Variants in VAMP1 observed in about 807,000 individuals in gnomAD.
VAMP1 encodes the protein vesicle-associated membrane protein 1.
Under a neutral mutation model 19.1 loss-of-function variants are expected in VAMP1, and 16 were observed. That is an observed-to-expected ratio of 0.84 (90% CI 0.57 to 1.27). The LOEUF (loss-of-function observed/expected upper bound fraction) is 1.27. Ranked by LOEUF, VAMP1 falls within the 50% of genes most tolerant of loss-of-function variation. VAMP1 has a pLI of 0.00. For synonymous variants in VAMP1, 37 were observed against 50.2 expected, an observed-to-expected ratio of 0.74 and a Z score of 1.11; for missense variants, 109 against 145.4, an observed-to-expected ratio of 0.75 and a Z score of 1.29.
At chr12:6,468,046 A>G (rs1945673070) in intron 1 of VAMP1, among the ~76,000 whole-genome samples, 1 of 152,230 alleles carries the variant, frequency 6.6e-6, no homozygotes, top group Non-Finnish European at 1.5e-5. Context: ...CTAGTGTAGT[A>G]CAGAAGGGAC....
chr12:6,467,861 G>C (rs1307994809), intron 1 of VAMP1, among the ~76,000 whole-genome samples: 1 of 152,270 alleles, frequency 6.6e-6, no homozygotes, highest in East Asian at 1.9e-4. Flanking sequence ...CGTGGCTTCA[G>C]AGGGTGGAAG....
Position 6,470,664 on chromosome 12 carries a change from C to CAGTAAGTTCCAGCGCA in VAMP1, c.-134_-133insTGCGCTGGAACTTACT. 8.3e-7 allele frequency: 1 copy of CAGTAAGTTCCAGCGCA among 1,202,428 alleles called. No homozygotes were observed. The highest frequency in any genetic ancestry group is 1.2e-6 in the Non-Finnish European group (1 of 831,108). 74.5% of individuals were successfully genotyped at this position (1,202,428 alleles called of 1,614,324 possible). A position where few individuals can be genotyped will look rare whatever the true frequency, so the allele number is the denominator to read the frequency against. On this transcript the variant is annotated 5_prime_UTR_variant, in exon 1 of 5. Coordinates refer to ENST00000396308, the MANE Select transcript of VAMP1 (RefSeq NM_014231.5). ...CGCCGACTACCCCGCGGTCTAGCTG[C>CAGTAAGTTCCAGCGCA]GCTGGAACTTACTGCAGCTGCCGCG...
chr12:6,464,940 ATC>A lies in VAMP1; in HGVS notation c.289-1_289del. On this transcript the variant is annotated splice_acceptor_variant and coding_sequence_variant, in exon 4 of 5. Coordinates refer to ENST00000396308, the MANE Select transcript of VAMP1 (RefSeq NM_014231.5). LOFTEE classifies it high-confidence loss of function. ...ACAGATGGCTCCCAGCATGATCATC[ATC>A]TGAGGAAACATGGACAAAAAATGAG... 6.2e-7 allele frequency: 1 copy of A among 1,613,906 alleles called. No individual in the cohort carries two copies. Among genetic ancestry groups the A allele is most frequent in the Non-Finnish European group, 8.5e-7 (1 of 1,179,962 alleles).
chr12:6,464,098 C>G lies in VAMP1; in HGVS notation c.*372G>C, dbSNP rs1196347473. The G allele has an allele frequency of 7.6e-7, 1 of 1,314,448 alleles. No individual in the cohort carries two copies. Among genetic ancestry groups the G allele is most frequent in the South Asian group, 1.2e-5 (1 of 81,252 alleles). 81.4% of individuals were successfully genotyped at this position (1,314,448 alleles called of 1,614,324 possible). On this transcript the variant is annotated 3_prime_UTR_variant, in exon 5 of 5. Transcript: ENST00000396308. ...CAGGTTTTCTAGAAGTCACCATGGG[C>G]ACCGATACTCTTCTCCTCCCAAGTC...
chr12:6,465,341 A>T, intron 3 of VAMP1: 1 of 288,158 alleles, frequency 3.5e-6, no homozygotes, highest in South Asian at 2.5e-5. Context: ...AAGCTGATTT[A>T]AAAGAAAAAG....
Position 6,462,980 on chromosome 12 carries a change from A to T in VAMP1, c.*1490T>A. On this transcript the variant is annotated 3_prime_UTR_variant, in exon 5 of 5. Transcript: ENST00000396308. ...GGCCTCAGCCTCTTCCTGTTCGTGG[A>T]CCGAGGGAAGAAGGAATAAAGGGCC... The T allele has an allele frequency of 6.4e-7, 1 of 1,551,558 alleles. No homozygotes were observed. The highest frequency in any genetic ancestry group is 8.7e-7 in the Non-Finnish European group (1 of 1,147,214).
In VAMP1 at chr12:6,464,094, T is replaced by A. The variant is rs562091139; in HGVS notation, c.*376A>T. Reference sequence around the variant, plus strand: ...TGGCCAGGTTTTCTAGAAGTCACCATGGGCACCGATACTCTTCTCCTCCCA... The same window carrying A: ...TGGCCAGGTTTTCTAGAAGTCACCAAGGGCACCGATACTCTTCTCCTCCCA... On this transcript the variant is annotated 3_prime_UTR_variant, in exon 5 of 5. Coordinates refer to ENST00000396308, the MANE Select transcript of VAMP1 (RefSeq NM_014231.5). The A allele has an allele frequency of 4.6e-6, 6 of 1,310,962 alleles. No individual in the cohort carries two copies. The highest frequency in any genetic ancestry group is 2.3e-5 in the Admixed American group (1 of 44,072). 81.2% of individuals were successfully genotyped at this position (1,310,962 alleles called of 1,614,324 possible).
chr12:6,466,454 G>A, intron 1 of VAMP1, 103 bp from the exon 2 acceptor site: 2 of 1,346,658 alleles, frequency 1.5e-6, no homozygotes, highest in Non-Finnish European at 2.0e-6. Flanking sequence ...AGGCTGAAGT[G>A]GGAGGAGCGC....
In VAMP1 at chr12:6,470,645, C is replaced by CCG. The variant is rs1264071072; in HGVS notation, c.-115_-114insCG. On this transcript the variant is annotated 5_prime_UTR_variant, in exon 1 of 5. Coordinates refer to ENST00000396308, the MANE Select transcript of VAMP1 (RefSeq NM_014231.5). ...ACTGCCAAGCTCCGCCTCGCGCCGA[C>CCG]TACCCCGCGGTCTAGCTGCGCTGGA... 2.1e-6 allele frequency: 3 copies of CCG among 1,448,824 alleles called. No homozygotes were observed. The highest frequency in any genetic ancestry group is 1.9e-6 in the Non-Finnish European group (2 of 1,045,200). 89.7% of individuals were successfully genotyped at this position (1,448,824 alleles called of 1,614,324 possible).
chr12:6,470,442 A>T, intron 1 of VAMP1, 88 bp downstream of exon 1: 1 of 1,593,294 alleles, frequency 6.3e-7, no homozygotes. Flanking sequence ...CAGCTGCTGC[A>T]TTGCGCCATT....
Position 6,463,063 on chromosome 12 carries a change from C to T in VAMP1, c.*1407G>A. The stretch of plus-strand genomic sequence containing the variant: ...CTCCTCCCCTTGCACCTGGGCTTAT[C>T]CCACATTAATAGCCCATCCTGAAGC... On this transcript the variant is annotated 3_prime_UTR_variant, in exon 5 of 5. Coordinates refer to ENST00000396308, the MANE Select transcript of VAMP1 (RefSeq NM_014231.5). The surrounding 1 kb of genome is among the most constrained non-coding windows in gnomAD (Gnocchi z 4.0). 1.3e-6 allele frequency: 2 copies of T among 1,539,036 alleles called. No individual in the cohort carries two copies. The highest frequency in any genetic ancestry group is 1.2e-5 in the South Asian group (1 of 83,812).
rs1469664316 is a variant in VAMP1 at position 6,464,919 on chromosome 12, A to G, written c.311T>C (p.Ile104Thr). 11 of 1,613,900 alleles carry G rather than the reference A, an allele frequency of 6.8e-6. No homozygotes were observed. The highest frequency in any genetic ancestry group is 6.8e-6 in the Non-Finnish European group (8 of 1,180,006). The change falls in exon 4 of 5, where the codon ATC becomes ACC. Residue 104 changes from isoleucine to threonine, a missense_variant. Coordinates refer to ENST00000396308, the MANE Select transcript of VAMP1 (RefSeq NM_014231.5). ...NCKMMIMLGAICAIIVVVIVI... is the reference protein window; with the variant it reads ...NCKMMIMLGATCAIIVVVIVI... ...AATAACTACCACGATGATGGCACAGATGGCTCCCAGCATGATCATCATCTG... is the reference window on the plus strand; with the variant it reads ...AATAACTACCACGATGATGGCACAGGTGGCTCCCAGCATGATCATCATCTG...
chr12:6,470,649 C>A lies in VAMP1; in HGVS notation c.-118G>T, dbSNP rs571477074. ...CCAAGCTCCGCCTCGCGCCGACTAC[C>A]CCGCGGTCTAGCTGCGCTGGAACTT... On this transcript the variant is annotated 5_prime_UTR_variant, in exon 1 of 5. Transcript: ENST00000396308. The A allele has an allele frequency of 1.1e-5, 15 of 1,362,776 alleles. No homozygotes were observed. In the East Asian group the frequency reaches 1.7e-4, roughly 15 times the overall value. 84.4% of individuals were successfully genotyped at this position (1,362,776 alleles called of 1,614,324 possible). A position where few individuals can be genotyped will look rare whatever the true frequency, so the allele number is the denominator to read the frequency against.
Position 6,470,615 on chromosome 12 carries a change from A to T in VAMP1, c.-84T>A, listed in dbSNP as rs1945750415. On this transcript the variant is annotated 5_prime_UTR_variant, in exon 1 of 5. Coordinates refer to ENST00000396308, the MANE Select transcript of VAMP1 (RefSeq NM_014231.5). ...GTGAGGGACGCTGCGGCTGAAGTGG[A>T]CGGAACTGCCAAGCTCCGCCTCGCG... 5.1e-6 allele frequency: 8 copies of T among 1,578,662 alleles called. No homozygotes were observed. The highest frequency in any genetic ancestry group is 6.9e-6 in the Non-Finnish European group (8 of 1,151,316).
chr12:6,468,441 G>A (rs1310208753), intron 1 of VAMP1, among the ~76,000 whole-genome samples: 2 of 152,170 alleles, frequency 1.3e-5, no homozygotes, highest in African/African-American at 4.8e-5. Flanking sequence ...TTTTGGCAGA[G>A]AAAATGGGGG....
Position 6,463,074 on chromosome 12 carries a change from A to C in VAMP1, c.*1396T>G. 6.5e-7 allele frequency: 1 copy of C among 1,534,816 alleles called. No individual in the cohort carries two copies. The highest frequency in any genetic ancestry group is 8.7e-7 in the Non-Finnish European group (1 of 1,144,338). ...GCACCTGGGCTTATCCCACATTAAT[A>C]GCCCATCCTGAAGCTCAGCAATTGC... On this transcript the variant is annotated 3_prime_UTR_variant, in exon 5 of 5. Coordinates refer to ENST00000396308, the MANE Select transcript of VAMP1 (RefSeq NM_014231.5). This position sits in a 1 kb window ranked among gnomAD's most constrained non-coding sequence, Gnocchi z 4.0.
chr12:6,463,188 A>T lies in VAMP1; in HGVS notation c.*1282T>A. 1 of 1,438,548 alleles carries T rather than the reference A, an allele frequency of 7.0e-7. No individual in the cohort carries two copies. The highest frequency in any genetic ancestry group is 9.1e-7 in the Non-Finnish European group (1 of 1,100,924). The allele number at this position is 1,438,548 out of a possible 1,614,324, so 89.1% of individuals were successfully genotyped here. ...AAGAGGAGGAAGAGAAAGGAGGCAA[A>T]GTAGAATTCAGACAGGAAAGGGTGG... On this transcript the variant is annotated 3_prime_UTR_variant, in exon 5 of 5. Transcript: ENST00000396308. This position sits in a 1 kb window ranked among gnomAD's most constrained non-coding sequence, Gnocchi z 4.0.
chr12:6,462,621 G>A lies in VAMP1; in HGVS notation c.*1849C>T, dbSNP rs1201139029. On this transcript the variant is annotated 3_prime_UTR_variant, in exon 5 of 5. Transcript: ENST00000396308. ...GAACAAGGCCAACTACACCTGGTGA[G>A]CCTCAGAGGGACAGAAACCCAGGAA... 3.2e-6 allele frequency: 2 copies of A among 625,942 alleles called. No homozygotes were observed. Among genetic ancestry groups the A allele is most frequent in the African/African-American group, 3.7e-5 (2 of 54,278 alleles). The allele number at this position is 625,942 out of a possible 1,614,324, so 38.8% of individuals were successfully genotyped here.
chr12:6,470,491 T>C, intron 1 of VAMP1, 39 bp downstream of exon 1: 1 of 1,613,734 alleles, frequency 6.2e-7, no homozygotes, highest in Non-Finnish European at 8.5e-7. Context: ...GCGAGAGTTG[T>C]CAAGGAGGTG....
Sources: allele counts gnomAD v4.1 joint callset (sites outside exome capture counted in the v4.1 genomes callset), GRCh38; gene constraint gnomAD v4.1.1; non-coding constraint Gnocchi (gnomAD v3.1); transcripts MANE v1.5; gene names NCBI Gene and HGNC (gene_info 2026-07-23, HGNC 2026-07-21).